The following IFT27 variants were observed in gnomAD, a reference collection of about 807,000 sequenced individuals.
The protein encoded by IFT27 is intraflagellar transport protein 27 homolog.
IFT27 carries 19 observed loss-of-function variants against 23.9 expected under a neutral mutation model. The ratio of observed to expected loss-of-function variants is 0.79; its 90% CI spans 0.55 to 1.16. The LOEUF (loss-of-function observed/expected upper bound fraction) is 1.16, where lower values mean the gene tolerates loss of function less well. Among genes scored for constraint, IFT27 ranks in the 50% most tolerant of loss-of-function variants. IFT27 has a pLI of 0.00. For synonymous variants in IFT27, 91 were observed against 89.1 expected (o/e 1.02, Z -0.12); for missense variants, 206 against 228.7 (o/e 0.90, Z 0.64).
At chr22:36,768,777 T>C (rs901627737) in intron 1 of IFT27, among the ~76,000 whole-genome samples, 7 of 152,216 alleles carry the variant, frequency 4.6e-5, no homozygotes, top group African/African-American at 1.7e-4. Flanking sequence ...TTGATGCTGA[T>C]TGTTTCCATT....
intron 1 of IFT27, chr22:36,772,829 G>A (rs1938415656): frequency 1.1e-6 from 1 of 870,236 alleles, no homozygotes; most frequent in Admixed American, 6.2e-5. Context: ...GTGGGTCATG[G>A]ATGGAAAAAT....
chr22:36,767,285 C>T lies in IFT27; in HGVS notation c.174+21G>A, dbSNP rs1048012. ...CCAGCTGGGGGAGCCCTGAGTTCCC[C>T]TGGGTAAAGGCATCACTCACCACAC... On this transcript the variant is annotated intron_variant, in intron 3 of 6. Coordinates refer to ENST00000433985, the MANE Select transcript of IFT27 (RefSeq NM_001177701.3). 0.79 allele frequency: 1,273,468 copies of T among 1,608,044 alleles called. 506,854 individuals carry two copies. The highest frequency in any genetic ancestry group is 0.92 in the East Asian group (41,281 of 44,758).
chr22:36,763,743 G>T, intron 5 of IFT27, 176 bp downstream of exon 5: 1 of 693,548 alleles, frequency 1.4e-6, no homozygotes, highest in Middle Eastern at 2.7e-4. Context: ...AGGTGTGTGT[G>T]GTGACTCACC....
chr22:36,773,940 G>C (rs532042683), intron 1 of IFT27, among the ~76,000 whole-genome samples: 1 of 152,260 alleles, frequency 6.6e-6, no homozygotes, highest in Non-Finnish European at 1.5e-5. Flanking sequence ...CAAAGCGCCA[G>C]TAAGTTAGCT....
intron 4 of IFT27, among the ~76,000 whole-genome samples, chr22:36,765,930 A>G (rs1434813309): frequency 6.6e-6 from 1 of 152,220 alleles, no homozygotes; most frequent in Non-Finnish European, 1.5e-5. Context: ...GGCACCCCAG[A>G]GCTGGGGCCC....
chr22:36,765,151 C>T (rs1359958270), intron 4 of IFT27, among the ~76,000 whole-genome samples: 1 of 152,168 alleles, frequency 6.6e-6, no homozygotes, highest in African/African-American at 2.4e-5. Flanking sequence ...CCTGCTAGAA[C>T]ACATTGAGCT....
rs777400074 is a variant in IFT27 at position 36,767,345 on chromosome 22, C to A, written c.135G>T (p.Val45=). The A allele has an allele frequency of 1.2e-6, 2 of 1,613,694 alleles. No individual in the cohort carries two copies. The highest frequency in any genetic ancestry group is 1.1e-5 in the South Asian group (1 of 91,042). The change falls in exon 3 of 7, where the codon GTG becomes GTT. Residue 45 remains valine (V), a synonymous_variant. Coordinates refer to ENST00000433985, the MANE Select transcript of IFT27 (RefSeq NM_001177701.3). The part of the protein sequence containing the change: ...SYTLTTGMDL[V]VKTVPVPDTG... ...TGTCAGGAACTGGCACTGTCTTCACCACCAAATCCATTCCTGTTGTCTGCC... is the reference window on the plus strand; with the variant it reads ...TGTCAGGAACTGGCACTGTCTTCACAACCAAATCCATTCCTGTTGTCTGCC...
chr22:36,765,495 CA>C (rs61164023), intron 4 of IFT27, among the ~76,000 whole-genome samples: 23,777 of 150,578 alleles, frequency 0.16, 3,339 homozygotes, highest in African/African-American at 0.38. Flanking sequence ...TCTTAGGCAA[CA>C]AAAAAAAAGG....
At chr22:36,772,706 G>A (rs1181172815) in intron 1 of IFT27, 1 of 984,700 alleles carries the variant, frequency 1.0e-6, no homozygotes, top group Non-Finnish European at 1.2e-6. Context: ...TGACGTAGTA[G>A]GTGCTCAGCG....
chr22:36,763,709 C>T (rs1938159225), intron 5 of IFT27: 2 of 653,686 alleles, frequency 3.1e-6, no homozygotes, highest in Admixed American at 4.3e-5. Context: ...TGCGTGTCCT[C>T]ATTCCCGTTT....
chr22:36,772,190 G>A (rs560383194), intron 1 of IFT27, among the ~76,000 whole-genome samples: 1 of 152,290 alleles, frequency 6.6e-6, no homozygotes, highest in African/African-American at 2.4e-5. Context: ...GGTAGCGCAC[G>A]ATGTGATGTC....
intron 6 of IFT27, chr22:36,761,640 A>G (rs1003581811): frequency 6.6e-6 from 1 of 152,168 alleles, no homozygotes; most frequent in Admixed American, 6.5e-5. Context: ...TTATTACTCG[A>G]TAAGGGATGT....
chr22:36,764,711 C>G (rs913451928), intron 4 of IFT27, among the ~76,000 whole-genome samples: 2 of 152,256 alleles, frequency 1.3e-5, no homozygotes, highest in Non-Finnish European at 2.9e-5. Context: ...ACACTGACAA[C>G]TGGACAGGGC....
chr22:36,767,526 AG>A lies in IFT27; in HGVS notation c.115-162del, dbSNP rs935421941. Among the ~76,000 whole-genome samples, 11 of 152,314 alleles carry A rather than the reference AG, an allele frequency of 7.2e-5. No homozygotes were observed. The South Asian group carries it at 1.0e-3, about 14-fold the overall frequency. On this transcript the variant is annotated intron_variant, in intron 2 of 6. Transcript: ENST00000433985. ...AAGCAGCTCAGCATGCAGAAGTCAGAGGGGACCAACTAGTCCTCTCCACCTC... is the reference window on the plus strand; with the variant it reads ...AAGCAGCTCAGCATGCAGAAGTCAGAGGGACCAACTAGTCCTCTCCACCTC...
chr22:36,763,203 G>A (rs1009839422), intron 5 of IFT27, 190 bp from the exon 6 acceptor site: 16 of 442,380 alleles, frequency 3.6e-5, no homozygotes, highest in Non-Finnish European at 6.0e-5. Context: ...CAGAGAGACA[G>A]GTGGGCTTCG....
intron 1 of IFT27, among the ~76,000 whole-genome samples, chr22:36,770,573 C>T (rs1938366207): frequency 6.6e-6 from 1 of 152,220 alleles, no homozygotes; most frequent in African/African-American, 2.4e-5. Context: ...CAGCCAAGCT[C>T]CGTCATGCCC....
chr22:36,773,654 C>CAAA (rs35651506), intron 1 of IFT27, among the ~76,000 whole-genome samples: 7,514 of 110,080 alleles, frequency 0.068, 469 homozygotes, highest in Middle Eastern at 0.1. Flanking sequence ...AACTCCGTCT[C>CAAA]AAAAAAAAAA....
Position 36,767,840 on chromosome 22 carries a change from G to A in IFT27, c.57C>T (p.Thr19=), listed in dbSNP as rs770331483. Residue 19 remains threonine (T), a synonymous_variant, in exon 2 of 7, where the codon ACC becomes ACT. Coordinates refer to ENST00000433985, the MANE Select transcript of IFT27 (RefSeq NM_001177701.3). ...ILAGDPAVGK[T]ALAQIFRSDG... is the part of the protein sequence containing the mutation. ...CACTGCGGAAGATCTGTGCCAGGGC[G>A]GTCTTGCCCACTGCTGGGTCTCCTG... 5.3e-5 allele frequency: 86 copies of A among 1,613,988 alleles called. No homozygotes were observed. Among genetic ancestry groups the A allele is most frequent in the East Asian group, 1.6e-4 (7 of 44,900 alleles).
intron 1 of IFT27, among the ~76,000 whole-genome samples, chr22:36,774,220 C>G (rs1938447878): frequency 2.0e-5 from 3 of 152,178 alleles, no homozygotes; most frequent in Admixed American, 2.0e-4. Flanking sequence ...TGTCAGTCAT[C>G]TTTCTGTGTG....
Sources: gnomAD v4.1 joint callset for allele counts (sites outside exome capture counted in the v4.1 genomes callset) on GRCh38, gnomAD v4.1.1 for gene constraint, MANE v1.5 for transcripts, NCBI Gene and HGNC (gene_info 2026-07-23, HGNC 2026-07-21) for gene names.